The following TMEM230 variants were observed in gnomAD, a reference collection of about 807,000 sequenced individuals.
TMEM230 encodes the protein UPF0414 transmembrane protein C20orf30.
Under a neutral mutation model 15.8 loss-of-function variants are expected in TMEM230, and 10 were observed. The ratio of observed to expected loss-of-function variants is 0.63; its 90% CI spans 0.39 to 1.07. TMEM230 has a LOEUF of 1.07. TMEM230 is among the 50% of genes least tolerant of loss of function. The pLI is 0.01. For missense variants in TMEM230, 165 were observed against 193.3 expected (o/e 0.85, Z 0.87); for synonymous variants, 67 against 76.9 (o/e 0.87, Z 0.68).
intron 3 of TMEM230, among the ~76,000 whole-genome samples, chr20:5,072,650 AC>A (rs1423625509): frequency 3.1e-4 from 47 of 152,128 alleles, no homozygotes; most frequent in African/African-American, 1.1e-3. Context: ...GGAGTTCGAG[AC>A]CAGCCTGACC....
chr20:5,111,530 A>G lies in TMEM230; in HGVS notation c.144T>C (p.Ala48=), dbSNP rs1326497800. ...AGGCTGAAGCAGAAGAATCGCTTGA[A>G]GCCAGGAGGTGGAGATTGCAGTGAG... Residue 48 remains alanine, a synonymous_variant, in exon 2 of 5, where the codon GCT becomes GCC. Coordinates refer to ENST00000342308, the MANE Select transcript of TMEM230 (RefSeq NM_001009923.2). The G allele has an allele frequency of 5.1e-6, 1 of 197,494 alleles. No homozygotes were observed. The highest frequency in any genetic ancestry group is 1.1e-5 in the Non-Finnish European group (1 of 89,898). 12.2% of individuals were successfully genotyped at this position (197,494 alleles called of 1,614,324 possible). A position where few individuals can be genotyped will look rare whatever the true frequency, so the allele number is the denominator to read the frequency against.
At chr20:5,098,811 G>A (rs907660875), downstream of TMEM230, among the ~76,000 whole-genome samples, 1 of 151,890 alleles carries the variant, frequency 6.6e-6, no homozygotes, top group African/African-American at 2.4e-5. Context: ...ATTGGGGGGG[G>A]GAAATTATAG....
chr20:5,104,881 G>T (rs979245327), intron 4 of TMEM230, among the ~76,000 whole-genome samples: 2 of 152,218 alleles, frequency 1.3e-5, no homozygotes, highest in African/African-American at 4.8e-5. Context: ...GGAAAGGTAG[G>T]GGGGAATGGG....
chr20:5,101,323 G>C (rs1370604924), intron 4 of TMEM230, among the ~76,000 whole-genome samples: 1 of 152,176 alleles, frequency 6.6e-6, no homozygotes, highest in African/African-American at 2.4e-5. Context: ...ACATACAGCT[G>C]CTGGACACTT....
At chr20:5,103,256 G>C (rs190584774) in intron 4 of TMEM230, among the ~76,000 whole-genome samples, 7 of 152,082 alleles carry the variant, frequency 4.6e-5, no homozygotes, top group Admixed American at 1.3e-4. Context: ...GAGCCTAGGA[G>C]TTTAAGACCA....
intron 3 of TMEM230, among the ~76,000 whole-genome samples, chr20:5,071,607 G>T (rs1334996886): frequency 7.6e-6 from 1 of 131,068 alleles, no homozygotes; most frequent in Non-Finnish European, 1.6e-5. Flanking sequence ...TGGGTAACAA[G>T]AGCGAAACTC....
At chr20:5,082,699 C>T (rs375925402) in intron 3 of TMEM230, among the ~76,000 whole-genome samples, 13 of 152,094 alleles carry the variant, frequency 8.5e-5, no homozygotes, top group South Asian at 4.1e-4. Context: ...TCACCTTGGC[C>T]TCCCAAAATG....
intron 3 of TMEM230, among the ~76,000 whole-genome samples, chr20:5,075,679 C>T (rs1047861682): frequency 3.9e-5 from 6 of 151,962 alleles, no homozygotes; most frequent in African/African-American, 1.2e-4. Flanking sequence ...GAGCTGAGAT[C>T]GCACCACTTC....
chr20:5,081,943 G>A (rs1178273919), intron 3 of TMEM230, among the ~76,000 whole-genome samples: 7 of 147,540 alleles, frequency 4.7e-5, no homozygotes, highest in African/African-American at 1.3e-4. Flanking sequence ...GTGCAATCTC[G>A]GCTCACTACA....
At chr20:5,111,313 T>C (rs2090306472) in intron 2 of TMEM230, 1 of 151,704 alleles carries the variant, frequency 6.6e-6, no homozygotes, top group Non-Finnish European at 1.5e-5. Context: ...AACATATCTT[T>C]AAAAAAGACA....
chr20:5,107,777 G>A (rs757261115), intron 3 of TMEM230, among the ~76,000 whole-genome samples: 4 of 149,130 alleles, frequency 2.7e-5, no homozygotes, highest in Non-Finnish European at 4.4e-5. Flanking sequence ...TTGTGCCACT[G>A]TACCCAAGCC....
chr20:5,111,416 CT>C, intron 2 of TMEM230: 1 of 156,446 alleles, frequency 6.4e-6, no homozygotes, highest in Non-Finnish European at 1.4e-5. Context: ...CGAGACCAGC[CT>C]GGCCAATATG....
downstream of TMEM230, chr20:5,066,154 C>T (rs147513961): frequency 0.018 from 2,792 of 152,394 alleles, 40 homozygotes; most frequent in Middle Eastern, 0.068. Context: ...ATCATTGCCA[C>T]CCTGGCACGC....
In TMEM230 at chr20:5,069,138, T is replaced by A. The variant is rs1047264207; in HGVS notation, c.*50A>T. 3.3e-5 allele frequency: 47 copies of A among 1,424,528 alleles called. No homozygotes were observed. The East Asian group carries it at 1.2e-3, about 35-fold the overall frequency. 88.2% of individuals were successfully genotyped at this position (1,424,528 alleles called of 1,614,324 possible). A position where few individuals can be genotyped will look rare whatever the true frequency, so the allele number is the denominator to read the frequency against. ...GCTGACGTACTTATTCCTAGGACAT[T>A]TTCAGTTTAGCCCTTTTAAGATGCT... On this transcript the variant is annotated 3_prime_UTR_variant, in exon 4 of 4. Transcript: ENST00000612323.
intron 3 of TMEM230, among the ~76,000 whole-genome samples, chr20:5,076,676 CTT>C (rs763498321): frequency 6.3e-5 from 8 of 127,450 alleles, no homozygotes; most frequent in Admixed American, 1.6e-4. Context: ...GATTGATATT[CTT>C]TTTTTTTTTT....
intron 3 of TMEM230, among the ~76,000 whole-genome samples, chr20:5,070,651 C>T (rs751203265): frequency 6.6e-6 from 1 of 152,180 alleles, no homozygotes; most frequent in Non-Finnish European, 1.5e-5. Context: ...TCCACTAATT[C>T]AAGTGTAAGT....
intron 3 of TMEM230, among the ~76,000 whole-genome samples, chr20:5,090,945 T>C (rs1347665941): frequency 6.6e-6 from 1 of 152,188 alleles, no homozygotes; most frequent in Non-Finnish European, 1.5e-5. Context: ...AAGGTGGTTG[T>C]CTCTTGGAGA....
intron 2 of TMEM230, 50 bp from the exon 2 acceptor site, chr20:5,109,495 G>T: frequency 7.2e-7 from 1 of 1,398,196 alleles, no homozygotes; most frequent in Non-Finnish European, 1.0e-6. Flanking sequence ...TGACAATGGT[G>T]CATTATAGCC....
downstream of TMEM230, among the ~76,000 whole-genome samples, chr20:5,096,373 A>G (rs560836470): frequency 3.1e-4 from 47 of 152,304 alleles, no homozygotes; most frequent in South Asian, 9.5e-3. Context: ...CCACTTTAGA[A>G]GGAAACTGAG....
Sources: allele counts gnomAD v4.1 joint callset (sites outside exome capture counted in the v4.1 genomes callset), GRCh38; gene constraint gnomAD v4.1.1; transcripts MANE v1.5; gene names NCBI Gene and HGNC (gene_info 2026-07-23, HGNC 2026-07-21).